PHGDH: variants seen among roughly 807,000 people sequenced by gnomAD.
PHGDH encodes D-3-phosphoglycerate dehydrogenase.
Under a neutral mutation model 52.6 loss-of-function variants are expected in PHGDH, and 50 were observed. The observed-to-expected ratio is 0.95, with a 90% confidence interval of 0.76 to 1.20. The LOEUF is 1.20. PHGDH is among the 50% of genes most tolerant of loss of function. The pLI, the probability that PHGDH is intolerant of heterozygous loss-of-function variation, is 0.00. For missense variants in PHGDH, 630 were observed against 684.6 expected, an observed-to-expected ratio of 0.92 and a Z score of 0.89; for synonymous variants, 271 against 280.5, an observed-to-expected ratio of 0.97 and a Z score of 0.34.
chr1:119,742,142 T>C, intron 10 of PHGDH: 1 of 548,530 alleles, frequency 1.8e-6, no homozygotes. Flanking sequence ...AGTGTCCCCA[T>C]TTCACAGCCA....
chr1:119,712,281 T>C, intron 1 of PHGDH, 121 bp downstream of exon 1: 2 of 713,196 alleles, frequency 2.8e-6, no homozygotes, highest in Non-Finnish European at 4.7e-6. Flanking sequence ...CGGGGCCTCC[T>C]GAGATTGGGG....
intron 8 of PHGDH, 134 bp from the exon 9 acceptor site, chr1:119,740,252 T>C: frequency 2.5e-6 from 2 of 812,238 alleles, no homozygotes; most frequent in Non-Finnish European, 4.1e-6. Context: ...ATGGAAGTTG[T>C]CACCCACCAG....
At position 119,726,525 on chromosome 1, in the gene PHGDH, C is replaced by T. The variant is rs1166881700; in HGVS notation, c.357-326C>T. On this transcript the variant is annotated intron_variant, in intron 3 of 11. Transcript: ENST00000641023. ...TTGCCCAGTACCCCACTCAGTTATC[C>T]CTACAGACCCTGGAGGATTGGCGAT... 1.1e-5 allele frequency: 5 copies of T among 453,298 alleles called. No homozygotes were observed. In the East Asian group the frequency reaches 1.7e-4, roughly 16 times the overall value. 28.1% of individuals were successfully genotyped at this position (453,298 alleles called of 1,614,324 possible).
chr1:119,737,606 C>T (rs1652003310), intron 8 of PHGDH, among the ~76,000 whole-genome samples: 1 of 152,154 alleles, frequency 6.6e-6, no homozygotes, highest in Admixed American at 6.5e-5. Context: ...TGGGTGCCAG[C>T]TGGACGCAGC....
intron 7 of PHGDH, among the ~76,000 whole-genome samples, chr1:119,736,057 G>A (rs1303629543): frequency 1.3e-5 from 2 of 152,216 alleles, no homozygotes; most frequent in Admixed American, 1.3e-4. Context: ...CAACATTGGA[G>A]CTTCCCCTGG....
At chr1:119,723,304 G>A (rs1651258291) in intron 2 of PHGDH, 72 bp from the exon 3 acceptor site, 2 of 1,200,176 alleles carry the variant, frequency 1.7e-6, no homozygotes, top group Non-Finnish European at 2.5e-6. Context: ...TGCACTCAAG[G>A]CTTTCTCTTG....
chr1:119,742,279 C>A, intron 10 of PHGDH: 1 of 374,004 alleles, frequency 2.7e-6, no homozygotes, highest in Non-Finnish European at 5.1e-6. Flanking sequence ...CTTGCAAGCT[C>A]TAGGAGCCCT....
At chr1:119,712,710 G>A (rs1650752970) in intron 1 of PHGDH, 2 of 191,312 alleles carry the variant, frequency 1.0e-5, no homozygotes, top group Non-Finnish European at 2.2e-5. Context: ...GGAAGCTGGC[G>A]GAGACCCAAC....
At chr1:119,729,889 T>A (rs1247207266) in intron 5 of PHGDH, 1 of 152,232 alleles carries the variant, frequency 6.6e-6, no homozygotes, top group Non-Finnish European at 1.5e-5. Context: ...ACTTTGCATT[T>A]CTTCTGTCCA....
chr1:119,730,662 T>C (rs1459710044), intron 5 of PHGDH, among the ~76,000 whole-genome samples: 2 of 152,262 alleles, frequency 1.3e-5, no homozygotes, highest in Non-Finnish European at 2.9e-5. Context: ...TGCTTTTTAT[T>C]TGGCCATTCT....
intron 3 of PHGDH, chr1:119,724,795 G>A (rs1557970195): frequency 2.2e-6 from 1 of 456,328 alleles, no homozygotes; most frequent in Non-Finnish European, 4.4e-6. Flanking sequence ...GACCAGCTTT[G>A]TTTAAAGGAA....
At chr1:119,716,796 A>G (rs185597667) in intron 1 of PHGDH, among the ~76,000 whole-genome samples, 1 of 152,258 alleles carries the variant, frequency 6.6e-6, no homozygotes, top group African/African-American at 2.4e-5. Context: ...CTGGCTGCAA[A>G]GAAATGACCA....
At chr1:119,734,529 GTAGT>G (rs1651844297) in intron 5 of PHGDH, 101 bp from the exon 6 acceptor site, 1 of 1,023,000 alleles carries the variant, frequency 9.8e-7, no homozygotes, top group Non-Finnish European at 1.5e-6. Context: ...GCTGAGCATG[GTAGT>G]TAGTATATGG....
chr1:119,719,645 A>C (rs1651066376), intron 1 of PHGDH: 1 of 152,244 alleles, frequency 6.6e-6, no homozygotes. Flanking sequence ...CTGCAGCCTA[A>C]GCATCATTCC....
At position 119,743,020 on chromosome 1, in the gene PHGDH, C is replaced by T. The variant is rs757928289; in HGVS notation, c.1423C>T (p.Pro475Ser). The change falls in exon 11 of 12, where the codon CCT becomes TCT. Residue 475 changes from proline to serine, a missense_variant. Pro to Ser is a moderately conservative substitution (Grantham distance 74). Coordinates refer to ENST00000641023, the MANE Select transcript of PHGDH (RefSeq NM_006623.4). ...LLLFRTQTSD[P>S]AMLPTMIGLL... Reference sequence around the variant, plus strand: ...CCTATTCCGGACTCAGACCTCTGACCCTGCAATGCTGCCTACCATGATTGG... The same window carrying T: ...CCTATTCCGGACTCAGACCTCTGACTCTGCAATGCTGCCTACCATGATTGG... 2 of 1,611,706 alleles carry T rather than the reference C, an allele frequency of 1.2e-6. No individual in the cohort carries two copies. The highest frequency in any genetic ancestry group is 2.2e-5 in the South Asian group (2 of 91,026).
rs1337925565 is a variant in PHGDH at position 119,734,720 on chromosome 1, C to T, written c.597C>T (p.Leu199=). ...TGCCCCTGGAGGAGATCTGGCCTCT[C>T]TGTGATTTCATCACTGTGCACACTC... is the stretch of plus-strand genomic sequence containing the variant. ...QQLPLEEIWP[L]CDFITVHTPL... is the part of the protein sequence containing the mutation. Residue 199 remains leucine, a synonymous_variant, in exon 6 of 12, where the codon CTC becomes CTT. Coordinates refer to ENST00000641023, the MANE Select transcript of PHGDH (RefSeq NM_006623.4). 5.1e-5 allele frequency: 83 copies of T among 1,613,952 alleles called. No individual in the cohort carries two copies. Among genetic ancestry groups the T allele is most frequent in the Non-Finnish European group, 6.9e-5 (82 of 1,179,988 alleles).
rs750866869 is a variant in PHGDH, at chr1:119,727,015, A to G, written c.423A>G (p.Thr141=). The change falls in exon 5 of 12, where the codon ACA becomes ACG. Residue 141 remains threonine, a synonymous_variant. Coordinates refer to ENST00000641023, the MANE Select transcript of PHGDH (RefSeq NM_006623.4). The part of the protein sequence containing the change: ...GKWERKKFMG[T]ELNGKTLGIL... ...CTGTTTGGTTGCAGTTCATGGGAAC[A>G]GAGCTGAATGGAAAGACCCTGGGAA... is the stretch of plus-strand genomic sequence containing the variant. 3 of 1,613,516 alleles carry G rather than the reference A, an allele frequency of 1.9e-6. No individual in the cohort carries two copies. The highest frequency in any genetic ancestry group is 1.1e-5 in the South Asian group (1 of 91,088).
intron 1 of PHGDH, among the ~76,000 whole-genome samples, chr1:119,716,299 A>G (rs1192760102): frequency 1.3e-5 from 2 of 152,108 alleles, no homozygotes; most frequent in East Asian, 3.9e-4. Context: ...CCTGGCACCA[A>G]AGAAGGCTGG....
intron 5 of PHGDH, among the ~76,000 whole-genome samples, chr1:119,731,651 G>T (rs1292834440): frequency 2.6e-5 from 4 of 152,210 alleles, no homozygotes; most frequent in Admixed American, 6.5e-5. Flanking sequence ...CAGGTTTACA[G>T]ATAAGGAAAC....
Sources: gnomAD v4.1 joint callset for allele counts (sites outside exome capture counted in the v4.1 genomes callset) on GRCh38, gnomAD v4.1.1 for gene constraint, MANE v1.5 for transcripts, NCBI Gene and HGNC (gene_info 2026-07-23, HGNC 2026-07-21) for gene names.